Variants in PCDH15 observed in about 807,000 individuals in gnomAD.
The protein encoded by PCDH15 is protocadherin-15.
Under a neutral mutation model 178.5 loss-of-function variants are expected in PCDH15, and 129 were observed. The ratio of observed to expected loss-of-function variants is 0.72; its 90% confidence interval spans 0.63 to 0.84. The LOEUF (loss-of-function observed/expected upper bound fraction) is 0.84, where lower values mean the gene tolerates loss of function less well. Among genes scored for constraint, PCDH15 ranks in the 40% least tolerant of loss-of-function variants. PCDH15 has a pLI of 0.00. For missense variants in PCDH15, 2,230 were observed against 2,099.9 expected (o/e 1.06, Z -1.21); for synonymous variants, 800 against 732.0 (o/e 1.09, Z -1.50).
intron 1 of PCDH15, among the ~76,000 whole-genome samples, chr10:55,307,221 G>A (rs1015393375): frequency 4.0e-5 from 6 of 151,110 alleles, no homozygotes; most frequent in Non-Finnish European, 8.8e-5. Flanking sequence ...TTGTATTTTC[G>A]GACTGGCGTG....
chr10:55,253,718 C>G (rs965954853), intron 1 of PCDH15, among the ~76,000 whole-genome samples: 1 of 151,970 alleles, frequency 6.6e-6, no homozygotes, highest in African/African-American at 2.4e-5. Context: ...AGCTGAATCA[C>G]TGAAGTATGC....
At chr10:54,172,901 T>C (rs2047058178) in intron 13 of PCDH15, among the ~76,000 whole-genome samples, 1 of 152,120 alleles carries the variant, frequency 6.6e-6, no homozygotes, top group Non-Finnish European at 1.5e-5. Flanking sequence ...TACAGAAATA[T>C]AAAAGTAAAT....
At chr10:53,953,347 A>T (rs150252045) in intron 23 of PCDH15, among the ~76,000 whole-genome samples, 1 of 152,386 alleles carries the variant, frequency 6.6e-6, no homozygotes, top group African/African-American at 2.4e-5. Context: ...ATTGATGTGA[A>T]AAGGTCAAGA....
chr10:54,952,887 T>C (rs1000845529), intron 2 of PCDH15, among the ~76,000 whole-genome samples: 2 of 151,406 alleles, frequency 1.3e-5, no homozygotes, highest in East Asian at 3.9e-4. Context: ...TTCAGAAGGG[T>C]TTTTTGTTGA....
chr10:55,291,918 C>T (rs1487742649), intron 1 of PCDH15, among the ~76,000 whole-genome samples: 3 of 151,796 alleles, frequency 2.0e-5, no homozygotes, highest in Non-Finnish European at 4.4e-5. Context: ...TCTTGTGAAG[C>T]TTATTCACTA....
At chr10:54,098,112 C>A (rs560751561) in intron 15 of PCDH15, among the ~76,000 whole-genome samples, 1 of 151,874 alleles carries the variant, frequency 6.6e-6, no homozygotes, top group East Asian at 1.9e-4. Context: ...AAAAAAGAAA[C>A]CCCACATGCT....
chr10:55,122,950 T>G (rs1481125825), intron 2 of PCDH15, among the ~76,000 whole-genome samples: 1 of 152,092 alleles, frequency 6.6e-6, no homozygotes, highest in Admixed American at 6.6e-5. Context: ...GGTAAAAATT[T>G]AGAAACTTAA....
intron 2 of PCDH15, among the ~76,000 whole-genome samples, chr10:55,395,147 A>G (rs1005100707): frequency 1.3e-5 from 2 of 151,332 alleles, no homozygotes; most frequent in African/African-American, 4.9e-5. Flanking sequence ...ACTGATGACT[A>G]CAGACATTTC....
At chr10:54,842,547 G>A (rs1419121838) in intron 3 of PCDH15, among the ~76,000 whole-genome samples, 3 of 151,834 alleles carry the variant, frequency 2.0e-5, no homozygotes, top group Non-Finnish European at 4.4e-5. Context: ...ATTCTACTAA[G>A]ATATTCTGTA....
chr10:53,850,100 T>TAA (rs1275270074), intron 28 of PCDH15, among the ~76,000 whole-genome samples: 7 of 151,954 alleles, frequency 4.6e-5, no homozygotes, highest in Non-Finnish European at 1.0e-4. Context: ...CCACGTAAAA[T>TAA]AAAACCTTTT....
At chr10:55,584,098 G>A (rs980877607) in intron 2 of PCDH15, among the ~76,000 whole-genome samples, 1 of 151,888 alleles carries the variant, frequency 6.6e-6, no homozygotes, top group East Asian at 1.9e-4. Flanking sequence ...TGTCCAAGCT[G>A]GACAATAACT....
chr10:54,696,677 T>C (rs1434360029), intron 1 of PCDH15, among the ~76,000 whole-genome samples: 1 of 149,262 alleles, frequency 6.7e-6, no homozygotes, highest in Non-Finnish European at 1.5e-5. Context: ...AATCAGAAAA[T>C]AAATGAAAAA....
At chr10:54,427,806 A>G (rs1467300359) in intron 3 of PCDH15, among the ~76,000 whole-genome samples, 1 of 152,194 alleles carries the variant, frequency 6.6e-6, no homozygotes, top group Non-Finnish European at 1.5e-5. Flanking sequence ...TAAAAACTAA[A>G]GAGGGAAAGT....
At chr10:53,813,069 T>C (rs1220244718) in intron 35 of PCDH15, among the ~76,000 whole-genome samples, 1 of 152,130 alleles carries the variant, frequency 6.6e-6, no homozygotes, top group Non-Finnish European at 1.5e-5. Flanking sequence ...ACCAACACTG[T>C]GGATGTTGGT....
At chr10:55,198,753 G>A (rs979228563) in intron 1 of PCDH15, among the ~76,000 whole-genome samples, 1 of 151,844 alleles carries the variant, frequency 6.6e-6, no homozygotes, top group Non-Finnish European at 1.5e-5. Context: ...AAAGTACTGG[G>A]ATTACAGGCG....
chr10:54,162,466 A>G (rs1316471452), intron 13 of PCDH15, among the ~76,000 whole-genome samples: 2 of 152,202 alleles, frequency 1.3e-5, no homozygotes, highest in Admixed American at 6.5e-5. Flanking sequence ...AATCAGTAGA[A>G]GAGAAGGTGA....
chr10:54,617,453 C>G (rs957254475), intron 2 of PCDH15, among the ~76,000 whole-genome samples: 6 of 152,002 alleles, frequency 3.9e-5, no homozygotes, highest in African/African-American at 1.5e-4. Flanking sequence ...AGAACATACA[C>G]TTTTACTATA....
intron 15 of PCDH15, among the ~76,000 whole-genome samples, chr10:54,120,206 C>T (rs927301017): frequency 6.6e-6 from 1 of 152,106 alleles, no homozygotes; most frequent in African/African-American, 2.4e-5. Flanking sequence ...ATTTTCCTGA[C>T]AAGCACGTAC....
chr10:54,981,765 C>T (rs1034071517), intron 2 of PCDH15, among the ~76,000 whole-genome samples: 2 of 151,738 alleles, frequency 1.3e-5, no homozygotes, highest in African/African-American at 4.8e-5. Flanking sequence ...TTTCCTGGAA[C>T]CCCCCACCTC....
Sources: allele counts gnomAD v4.1 joint callset (sites outside exome capture counted in the v4.1 genomes callset), GRCh38; gene constraint gnomAD v4.1.1; transcripts MANE v1.5; gene names NCBI Gene and HGNC (gene_info 2026-07-23, HGNC 2026-07-21).